CANX: variants seen among roughly 807,000 people sequenced by gnomAD.
CANX encodes epididymis secretory sperm binding protein.
Under a neutral mutation model 75.7 loss-of-function variants are expected in CANX, and 14 were observed. The ratio of observed to expected loss-of-function variants is 0.19; its 90% confidence interval spans 0.12 to 0.29. CANX has a LOEUF of 0.29. Ranked by LOEUF, CANX falls within the 10% of genes least tolerant of loss-of-function variation. The probability of loss-of-function intolerance (pLI) is 1.00; values close to 1 mark genes in which losing one functional copy is unlikely to be tolerated. For missense variants in CANX, 567 were observed against 713.2 expected, an observed-to-expected ratio of 0.79 and a Z score of 2.34; for synonymous variants, 227 against 236.9, an observed-to-expected ratio of 0.96 and a Z score of 0.38.
chr5:179,679,156 G>C, intron 1 of CANX: 1 of 1,535,510 alleles, frequency 6.5e-7, no homozygotes, highest in Non-Finnish European at 8.7e-7. Flanking sequence ...GGACCTTGTA[G>C]GGCACGCAGG....
chr5:179,698,371 C>T (rs939980678), upstream of CANX: 20 of 1,199,282 alleles, frequency 1.7e-5, no homozygotes, highest in Non-Finnish European at 2.1e-5. Flanking sequence ...CTGGGCCGAG[C>T]CATGACTCTG....
intron 7 of CANX, among the ~76,000 whole-genome samples, chr5:179,715,274 G>A (rs761125731): frequency 1.3e-5 from 2 of 152,156 alleles, no homozygotes; most frequent in African/African-American, 4.8e-5. Context: ...GCTCACACCT[G>A]TAGTCTTAAC....
intron 1 of CANX, among the ~76,000 whole-genome samples, chr5:179,689,379 G>GTTTTTTTGT (rs1776255066): frequency 1.2e-5 from 1 of 83,676 alleles, no homozygotes; most frequent in Non-Finnish European, 2.2e-5. Flanking sequence ...AACCCAACAA[G>GTTTTTTTGT]TTTTTTTTTT....
intron 8 of CANX, among the ~76,000 whole-genome samples, chr5:179,716,851 C>G (rs551553466): frequency 6.6e-6 from 1 of 152,224 alleles, no homozygotes; most frequent in South Asian, 2.1e-4. Flanking sequence ...GGCATGGTTT[C>G]TTGGAGCAAG....
At position 179,731,352 on chromosome 5, in the gene CANX, T is replaced by C. The variant is rs1007367960; in HGVS notation, c.*2708T>C. 1.3e-5 allele frequency among the ~76,000 whole-genome samples: 2 copies of C among 152,238 alleles called. No homozygotes were observed. Among genetic ancestry groups the C allele is most frequent in the African/African-American group, 4.8e-5 (2 of 41,468 alleles). ...ATTTTTGAAAGTTAGCCCAGTTTTT[T>C]ATGTGCTATTAAATTTTTAGATTAC... On this transcript the variant is annotated 3_prime_UTR_variant, in exon 15 of 15. Coordinates refer to ENST00000247461, the MANE Select transcript of CANX (RefSeq NM_001746.4).
intron 10 of CANX, among the ~76,000 whole-genome samples, chr5:179,721,296 G>A (rs1201946915): frequency 6.6e-6 from 1 of 152,196 alleles, no homozygotes; most frequent in Non-Finnish European, 1.5e-5. Context: ...CGCCATGTTG[G>A]CCAGGCTGGT....
chr5:179,681,797 A>G (rs1471161788), intron 1 of CANX, among the ~76,000 whole-genome samples: 1 of 151,970 alleles, frequency 6.6e-6, no homozygotes, highest in Non-Finnish European at 1.5e-5. Flanking sequence ...TACAAAAACA[A>G]ATTAGCTGGG....
At chr5:179,712,923 T>C (rs1777679575) in intron 7 of CANX, among the ~76,000 whole-genome samples, 2 of 149,950 alleles carry the variant, frequency 1.3e-5, no homozygotes, top group Non-Finnish European at 3.0e-5. Context: ...TATTTTTTTT[T>C]TTTTCCAGCT....
At chr5:179,711,943 C>G (rs1581866568) in intron 7 of CANX, among the ~76,000 whole-genome samples, 1 of 151,114 alleles carries the variant, frequency 6.6e-6, no homozygotes, top group Admixed American at 6.6e-5. Context: ...ACTGAAAATA[C>G]AAAAATTAGC....
rs139765544 is a variant in CANX, at chr5:179,691,305, G to A, written c.-4+12528G>A. On this transcript the variant is annotated intron_variant, in intron 1 of 14. Transcript: ENST00000681674. ...CTCCCAAAGTGCTGGGATTACAGGT[G>A]TGAGCCATCATGCCTGGCCTATATA... Among the ~76,000 whole-genome samples the A allele has an allele frequency of 5.3e-3, 801 of 152,198 alleles. 54 individuals are homozygous for A. In the East Asian group the frequency reaches 0.13, roughly 25 times the overall value.
intron 1 of CANX, among the ~76,000 whole-genome samples, chr5:179,688,327 A>C (rs924078095): frequency 2.1e-5 from 3 of 146,266 alleles, no homozygotes; most frequent in Admixed American, 6.9e-5. Flanking sequence ...TGCTGGGATT[A>C]CGAGCGTGAG....
At chr5:179,726,508 G>A (rs1047357692) in intron 13 of CANX, among the ~76,000 whole-genome samples, 172 bp from the exon 14 acceptor site, 5 of 149,154 alleles carry the variant, frequency 3.4e-5, no homozygotes, top group Admixed American at 6.7e-5. Flanking sequence ...CCCGGGAGGC[G>A]GAGTTTGCAG....
chr5:179,719,623 C>G, intron 8 of CANX, 45 bp from the exon 9 acceptor site: 2 of 1,078,978 alleles, frequency 1.9e-6, no homozygotes, highest in South Asian at 2.6e-5. Context: ...TGGTACTATA[C>G]TGTGACCAGT....
chr5:179,720,958 A>G (rs1176081203), intron 10 of CANX, among the ~76,000 whole-genome samples: 1 of 151,474 alleles, frequency 6.6e-6, no homozygotes, highest in Non-Finnish European at 1.5e-5. Context: ...TAATTTTTAT[A>G]TTTTTAGCAG....
chr5:179,714,845 A>G (rs879923227), intron 7 of CANX, among the ~76,000 whole-genome samples: 1 of 151,168 alleles, frequency 6.6e-6, no homozygotes, highest in Non-Finnish European at 1.5e-5. Flanking sequence ...AAACACTGCA[A>G]TCTCCACCTC....
intron 7 of CANX, among the ~76,000 whole-genome samples, chr5:179,715,128 C>G (rs989829466): frequency 1.3e-5 from 2 of 152,244 alleles, no homozygotes; most frequent in Non-Finnish European, 2.9e-5. Context: ...ATCACTGACA[C>G]AGCAGCATAG....
In CANX at chr5:179,731,067, CTT is replaced by C. The variant is rs1364930477; in HGVS notation, c.*2426_*2427del. On this transcript the variant is annotated 3_prime_UTR_variant, in exon 15 of 15. Coordinates refer to ENST00000247461, the MANE Select transcript of CANX (RefSeq NM_001746.4). Reference sequence around the variant, plus strand: ...ACTATTATGGACAGTGAAATAATGACTTTTATCTCACCACGTGAGTTTGATGC... The same window carrying C: ...ACTATTATGGACAGTGAAATAATGACTTATCTCACCACGTGAGTTTGATGC... 6.6e-6 allele frequency: 1 copy of C among 152,176 alleles called. No individual in the cohort carries two copies. The highest frequency in any genetic ancestry group is 1.5e-5 in the Non-Finnish European group (1 of 68,042). The allele number at this position is 152,176 out of a possible 1,614,324, so 9.4% of individuals were successfully genotyped here. A position where few individuals can be genotyped will look rare whatever the true frequency, so the allele number is the denominator to read the frequency against.
chr5:179,731,200 A>G lies in CANX; in HGVS notation c.*2556A>G, dbSNP rs1462671925. Among the ~76,000 whole-genome samples, 2 of 152,212 alleles carry G rather than the reference A, an allele frequency of 1.3e-5. No individual in the cohort carries two copies. The highest frequency in any genetic ancestry group is 4.8e-5 in the African/African-American group (2 of 41,464). On this transcript the variant is annotated 3_prime_UTR_variant, in exon 15 of 15. Coordinates refer to ENST00000247461, the MANE Select transcript of CANX (RefSeq NM_001746.4). ...GCAGCTCAGAAAAGGAGGGAATGCT[A>G]CTGATAATTTGTAGATAATATTCTT...
intron 1 of CANX, chr5:179,680,947 T>C (rs2127761439): frequency 6.5e-7 from 1 of 1,532,256 alleles, no homozygotes; most frequent in East Asian, 2.4e-5. Context: ...TTGTATCTTC[T>C]CGGAGGATGT....
Sources: allele counts gnomAD v4.1 joint callset (sites outside exome capture counted in the v4.1 genomes callset), GRCh38; gene constraint gnomAD v4.1.1; transcripts MANE v1.5; gene names NCBI Gene and HGNC (gene_info 2026-07-23, HGNC 2026-07-21).